The following SLC5A10 variants were observed in gnomAD, a reference collection of about 807,000 sequenced individuals.
The protein encoded by SLC5A10 is solute carrier family 5 member 10, also known as sodium/mannose cotransporter SLC5A10.
SLC5A10 carries 55 observed loss-of-function variants against 68.9 expected under a neutral mutation model. That is an observed-to-expected ratio of 0.80 (90% CI 0.64 to 1.00). The LOEUF (loss-of-function observed/expected upper bound fraction) is 1.00, where lower values mean the gene tolerates loss of function less well. SLC5A10 is among the 50% of genes least tolerant of loss of function. The pLI, the probability that SLC5A10 is intolerant of heterozygous loss-of-function variation, is 0.00. For synonymous variants in SLC5A10, 344 were observed against 344.8 expected, an observed-to-expected ratio of 1.00 and a Z score of 0.02; for missense variants, 732 against 819.3, an observed-to-expected ratio of 0.89 and a Z score of 1.30.
At chr17:18,967,323 G>A (rs970694730) in intron 5 of SLC5A10, among the ~76,000 whole-genome samples, 1 of 152,138 alleles carries the variant, frequency 6.6e-6, no homozygotes, top group Non-Finnish European at 1.5e-5. Flanking sequence ...TTCAGTCTTT[G>A]GGGCCTGCCA....
intron 1 of SLC5A10, 100 bp from the exon 2 acceptor site, chr17:18,958,582 C>T (rs2042548842): frequency 1.1e-6 from 1 of 945,062 alleles, no homozygotes; most frequent in Non-Finnish European, 1.7e-6. Flanking sequence ...TATGGTGATT[C>T]TATGCGTAAC....
At chr17:18,962,665 G>T (rs1411214464) in intron 5 of SLC5A10, among the ~76,000 whole-genome samples, 5 of 152,176 alleles carry the variant, frequency 3.3e-5, no homozygotes, top group Non-Finnish European at 7.3e-5. Flanking sequence ...AGCCGGGGTG[G>T]TGTTTAAGTG....
intron 9 of SLC5A10, among the ~76,000 whole-genome samples, chr17:18,993,458 C>T (rs527412500): frequency 8.4e-4 from 128 of 152,258 alleles, no homozygotes; most frequent in African/African-American, 2.7e-3. Flanking sequence ...CCAACCTGCA[C>T]GTGACAAGCC....
intron 8 of SLC5A10, among the ~76,000 whole-genome samples, chr17:18,973,611 A>G (rs1281494069): frequency 3.3e-5 from 5 of 152,088 alleles, no homozygotes; most frequent in African/African-American, 9.7e-5. Flanking sequence ...GTCTGACTCC[A>G]CTTTGCTCTG....
At chr17:19,001,405 G>A (rs1054969578) in intron 9 of SLC5A10, among the ~76,000 whole-genome samples, 11 of 152,212 alleles carry the variant, frequency 7.2e-5, no homozygotes, top group Admixed American at 6.5e-4. Flanking sequence ...GACTCCCTGA[G>A]GTCTGAGAGT....
At chr17:18,976,235 G>C (rs2042977859) in intron 8 of SLC5A10, 1 of 151,522 alleles carries the variant, frequency 6.6e-6, no homozygotes, top group Non-Finnish European at 1.5e-5. Context: ...TCAGTGCTGG[G>C]AGAGATCTCA....
rs1352975954 is a variant in SLC5A10 at position 19,022,334 on chromosome 17, C to T, written c.*1903C>T. ...TCCTGCTGCCCACACCCCTGCCTGT[C>T]TGCTGTGCAGATGCTGCATCTACAT... is the stretch of plus-strand genomic sequence containing the variant. On this transcript the variant is annotated 3_prime_UTR_variant, in exon 15 of 15. Coordinates refer to ENST00000395645, the MANE Select transcript of SLC5A10 (RefSeq NM_001042450.4). 2.2e-6 allele frequency: 1 copy of T among 454,702 alleles called. No homozygotes were observed. Among genetic ancestry groups the T allele is most frequent in the African/African-American group, 2.0e-5 (1 of 49,102 alleles). 28.2% of individuals were successfully genotyped at this position (454,702 alleles called of 1,614,324 possible). A position where few individuals can be genotyped will look rare whatever the true frequency, so the allele number is the denominator to read the frequency against.
At chr17:18,986,519 T>A (rs1308303906) in intron 9 of SLC5A10, among the ~76,000 whole-genome samples, 1 of 152,162 alleles carries the variant, frequency 6.6e-6, no homozygotes, top group African/African-American at 2.4e-5. Context: ...TGTGGGAGCC[T>A]CATCTGAATG....
chr17:18,955,290 C>T (rs565365993), intron 1 of SLC5A10, among the ~76,000 whole-genome samples: 2 of 152,174 alleles, frequency 1.3e-5, no homozygotes, highest in South Asian at 4.2e-4. Flanking sequence ...AATGACCAGC[C>T]CTGCGATTGA....
chr17:19,015,461 A>G (rs571960248), intron 11 of SLC5A10, among the ~76,000 whole-genome samples: 1 of 151,938 alleles, frequency 6.6e-6, no homozygotes, highest in Non-Finnish European at 1.5e-5. Context: ...TCCCTCCCCA[A>G]CCATGCCACA....
chr17:19,019,671 C>T (rs1219778309), intron 12 of SLC5A10, 42 bp from the exon 13 acceptor site: 1 of 1,602,752 alleles, frequency 6.2e-7, no homozygotes, highest in South Asian at 1.1e-5. Context: ...AGCCTTGGTC[C>T]TCCTCCCGTA....
At chr17:19,005,736 C>T (rs975498030) in intron 9 of SLC5A10, among the ~76,000 whole-genome samples, 1 of 152,070 alleles carries the variant, frequency 6.6e-6, no homozygotes, top group Admixed American at 6.5e-5. Context: ...GACTAGCCTC[C>T]TAGGCCCAGC....
At chr17:18,959,331 C>A in intron 3 of SLC5A10, 92 bp downstream of exon 3, 1 of 1,336,942 alleles carries the variant, frequency 7.5e-7, no homozygotes, top group South Asian at 1.2e-5. Context: ...TGGCTGGTGT[C>A]AGCCGATGTC....
chr17:18,978,290 T>C, intron 9 of SLC5A10: 1 of 1,610,890 alleles, frequency 6.2e-7, no homozygotes, highest in Non-Finnish European at 8.5e-7. Context: ...CCACAGCTGG[T>C]GCTGGGCGCT....
At chr17:18,950,828 G>A (rs1233837111), upstream of SLC5A10, 2 of 311,648 alleles carry the variant, frequency 6.4e-6, no homozygotes, top group Non-Finnish European at 9.3e-6. Flanking sequence ...CAATTCTCCT[G>A]CCTCAGCCTC....
chr17:18,963,463 G>C (rs2042650043), intron 5 of SLC5A10, among the ~76,000 whole-genome samples: 1 of 152,226 alleles, frequency 6.6e-6, no homozygotes. Context: ...ATCAAGGCTG[G>C]GCTTCAGAAC....
In SLC5A10 at chr17:19,004,173, C is replaced by T. The variant is rs928550986; in HGVS notation, c.983-9237C>T. ...TGCTTCTCTGCCCATGAGCAATCTG[C>T]GGGAAAGACCTGATGAGCCCGGCTC... On this transcript the variant is annotated intron_variant, in intron 9 of 14. Coordinates refer to ENST00000395645, the MANE Select transcript of SLC5A10 (RefSeq NM_001042450.4). The surrounding 1 kb of genome is among the most constrained non-coding windows in gnomAD (Gnocchi z 5.4). 51 of 610,908 alleles carry T rather than the reference C, an allele frequency of 8.3e-5. No individual in the cohort carries two copies. Among genetic ancestry groups the T allele is most frequent in the Non-Finnish European group, 1.0e-4 (44 of 426,678 alleles). The allele number at this position is 610,908 out of a possible 1,614,324, so 37.8% of individuals were successfully genotyped here. A position where few individuals can be genotyped will look rare whatever the true frequency, so the allele number is the denominator to read the frequency against.
At chr17:18,958,624 C>A in intron 1 of SLC5A10, 58 bp from the exon 2 acceptor site, 3 of 1,534,938 alleles carry the variant, frequency 2.0e-6, no homozygotes, top group Non-Finnish European at 1.8e-6. Context: ...GTTTCCCATT[C>A]GACTTCCCAG....
intron 8 of SLC5A10, among the ~76,000 whole-genome samples, chr17:18,975,332 C>CCACAGCTTAGGGGTAAATGCTGGGAG (rs2042950026): frequency 6.6e-6 from 1 of 152,194 alleles, no homozygotes; most frequent in South Asian, 2.1e-4. Flanking sequence ...TCCGTGACAT[C>CCACAGCTTAGGGGTAAATGCTGGGAG]CACAGCTTAG....
Sources: gnomAD v4.1 joint callset for allele counts (sites outside exome capture counted in the v4.1 genomes callset) on GRCh38, gnomAD v4.1.1 for gene constraint, Gnocchi (gnomAD v3.1) non-coding constraint, MANE v1.5 for transcripts, NCBI Gene and HGNC (gene_info 2026-07-23, HGNC 2026-07-21) for gene names.